The following DNAJC10 variants were observed in gnomAD, a reference collection of about 807,000 sequenced individuals.
DNAJC10 encodes the protein DnaJ heat shock protein family (Hsp40) member C10.
In DNAJC10, 101 loss-of-function variants were observed where a neutral mutation model predicts 115.0. That is an observed-to-expected ratio of 0.88 (90% CI 0.75 to 1.04). The LOEUF is 1.04. Among genes scored for constraint, DNAJC10 ranks in the 50% least tolerant of loss-of-function variants. The pLI is 0.00. For missense variants in DNAJC10, 981 were observed against 928.8 expected (o/e 1.06, Z -0.73); for synonymous variants, 307 against 301.5 (o/e 1.02, Z -0.19).
rs1202103094 is a variant in DNAJC10 at position 182,718,255 on chromosome 2, A to G, written c.169A>G (p.Lys57Glu). 1.9e-6 allele frequency: 3 copies of G among 1,611,560 alleles called. No individual in the cohort carries two copies. In the East Asian group the frequency reaches 6.7e-5, roughly 36 times the overall value. The change falls in exon 3 of 24, where the codon AAA (lysine) becomes GAA (glutamate). Residue 57 changes from lysine to glutamate, a missense_variant. Transcript: ENST00000264065. ...TAGAGAAATAAGACAAGCTTTCAAGAAATTGGCATTGAAGTTACATCCTGA... is the reference window on the plus strand; with the variant it reads ...TAGAGAAATAAGACAAGCTTTCAAGGAATTGGCATTGAAGTTACATCCTGA... ...SSREIRQAFKKLALKLHPDKN... is the reference protein window; with the variant it reads ...SSREIRQAFKELALKLHPDKN...
At chr2:182,752,344 G>T (rs1048732253) in intron 16 of DNAJC10, among the ~76,000 whole-genome samples, 156 bp downstream of exon 16, 6 of 152,052 alleles carry the variant, frequency 3.9e-5, no homozygotes, top group African/African-American at 1.4e-4. Flanking sequence ...TTAGAAAGTG[G>T]TATCAAATAT....
chr2:182,746,669 A>C (rs1693876279), intron 14 of DNAJC10, among the ~76,000 whole-genome samples: 1 of 152,116 alleles, frequency 6.6e-6, no homozygotes, highest in Non-Finnish European at 1.5e-5. Flanking sequence ...ATTTTCTGCC[A>C]TTCTTTAGGT....
At position 182,775,372 on chromosome 2, in the gene DNAJC10, A is replaced by T. The variant is rs1461168968; in HGVS notation, c.2322A>T (p.Leu774Phe). ...NTRDAKAIAALISEKLETLRN... is the reference protein window; with the variant it reads ...NTRDAKAIAAFISEKLETLRN... ...GAGATGCAAAAGCAATCGCTGCCTT[A>T]ATAAGTGAAAAATTGGAAACTCTCC... Residue 774 changes from leucine to phenylalanine, a missense_variant, in exon 23 of 24, where the codon TTA becomes TTT. Transcript: ENST00000264065. 7.4e-6 allele frequency: 12 copies of T among 1,613,198 alleles called. No individual in the cohort carries two copies. The highest frequency in any genetic ancestry group is 2.7e-5 in the African/African-American group (2 of 74,912).
At chr2:182,760,343 T>G (rs189992655) in intron 21 of DNAJC10, among the ~76,000 whole-genome samples, 2 of 152,212 alleles carry the variant, frequency 1.3e-5, no homozygotes, top group African/African-American at 4.8e-5. Context: ...CTTTATTTAT[T>G]ATTACTTGAA....
At chr2:182,746,024 G>C (rs1383627728) in intron 14 of DNAJC10, among the ~76,000 whole-genome samples, 3 of 152,098 alleles carry the variant, frequency 2.0e-5, no homozygotes, top group Non-Finnish European at 4.4e-5. Flanking sequence ...TACTGAGAAT[G>C]ATGATTTCCA....
rs4605328 is a variant in DNAJC10 at position 182,788,797 on chromosome 2, A to T, written c.*11665A>T. 3.8e-4 allele frequency: 172 copies of T among 456,014 alleles called. 2 individuals carry two copies. The highest frequency in any genetic ancestry group is 2.2e-3 in the South Asian group (143 of 64,084). The allele number at this position is 456,014 out of a possible 1,614,324, so 28.2% of individuals were successfully genotyped here. ...TTTTCTAAAATGGACTTCAAGCTCT[A>T]TGACTTTATGATCACTTAGTATGTC... On this transcript the variant is annotated 3_prime_UTR_variant, in exon 24 of 24. Coordinates refer to ENST00000264065, the MANE Select transcript of DNAJC10 (RefSeq NM_018981.4).
intron 22 of DNAJC10, among the ~76,000 whole-genome samples, chr2:182,767,678 G>A (rs577254354): frequency 8.7e-4 from 133 of 152,140 alleles, no homozygotes; most frequent in Non-Finnish European, 1.6e-3. Flanking sequence ...TGAGGGGGTG[G>A]GGGGCAGCTC....
chr2:182,771,965 A>G (rs1054164893), intron 22 of DNAJC10, among the ~76,000 whole-genome samples: 8 of 152,214 alleles, frequency 5.3e-5, no homozygotes, highest in African/African-American at 1.9e-4. Flanking sequence ...TTAGTGCTAT[A>G]AATTTCCCTC....
In DNAJC10 at chr2:182,778,803, A is replaced by C. The variant is rs1364829125; in HGVS notation, c.*1671A>C. On this transcript the variant is annotated 3_prime_UTR_variant, in exon 24 of 24. Transcript: ENST00000264065. Reference sequence around the variant, plus strand: ...AGAGCCTTTCATTCTCGAATGTTTAAAGCCTAGGAGTTCTACAAAATTGGC... The same window carrying C: ...AGAGCCTTTCATTCTCGAATGTTTACAGCCTAGGAGTTCTACAAAATTGGC... The C allele has an allele frequency of 1.3e-5, 2 of 152,202 alleles. No individual in the cohort carries two copies. The highest frequency in any genetic ancestry group is 2.9e-5 in the Non-Finnish European group (2 of 68,040). 9.4% of individuals were successfully genotyped at this position (152,202 alleles called of 1,614,324 possible). A position where few individuals can be genotyped will look rare whatever the true frequency, so the allele number is the denominator to read the frequency against.
rs1275294043 is a variant in DNAJC10, at chr2:182,757,777, C to T, written c.1895C>T (p.Pro632Leu). The T allele has an allele frequency of 6.3e-7, 1 of 1,580,110 alleles. No individual in the cohort carries two copies. The highest frequency in any genetic ancestry group is 8.7e-7 in the Non-Finnish European group (1 of 1,153,266). The change falls in exon 19 of 24, where the codon CCT becomes CTT. Residue 632 changes from proline to leucine, a missense_variant. Coordinates refer to ENST00000264065, the MANE Select transcript of DNAJC10 (RefSeq NM_018981.4). ...FCAQENVQRY[P>L]EIRFFPPKSN... ...GCCCAGGAAAACGTTCAAAGATACCCTGAGATAAGATTTTTTCCCCCAAAA... is the reference window on the plus strand; with the variant it reads ...GCCCAGGAAAACGTTCAAAGATACCTTGAGATAAGATTTTTTCCCCCAAAA...
At chr2:182,759,568 T>A (rs1694241219) in intron 21 of DNAJC10, among the ~76,000 whole-genome samples, 1 of 152,162 alleles carries the variant, frequency 6.6e-6, no homozygotes. Flanking sequence ...TTCTTCTCCC[T>A]CTTGTCTACT....
At chr2:182,766,737 C>T (rs1694422336) in intron 22 of DNAJC10, among the ~76,000 whole-genome samples, 1 of 152,026 alleles carries the variant, frequency 6.6e-6, no homozygotes, top group African/African-American at 2.4e-5. Context: ...CTGTAGGCAC[C>T]CCTCCAGCAG....
chr2:182,718,321 G>A, intron 3 of DNAJC10, 31 bp downstream of exon 3: 1 of 1,505,028 alleles, frequency 6.6e-7, no homozygotes, highest in Non-Finnish European at 9.0e-7. Context: ...AAAAATATTT[G>A]ATTATATTTT....
chr2:182,726,895 C>G (rs1398316616), intron 5 of DNAJC10, among the ~76,000 whole-genome samples: 1 of 141,712 alleles, frequency 7.1e-6, no homozygotes, highest in Non-Finnish European at 1.5e-5. Flanking sequence ...CCATGTCCAG[C>G]TATTTTTATA....
At chr2:182,760,591 T>C (rs1694263593) in intron 21 of DNAJC10, among the ~76,000 whole-genome samples, 1 of 152,198 alleles carries the variant, frequency 6.6e-6, no homozygotes, top group Non-Finnish European at 1.5e-5. Flanking sequence ...ATACCCTCAA[T>C]GCAGTCTGAG....
intron 11 of DNAJC10, 33 bp downstream of exon 11, chr2:182,736,419 A>G (rs1238873933): frequency 2.7e-6 from 4 of 1,454,986 alleles, no homozygotes; most frequent in South Asian, 1.4e-5. Flanking sequence ...TTATTTACAT[A>G]TAATGTGCAA....
chr2:182,728,804 G>T (rs934561156), intron 6 of DNAJC10, 59 bp from the exon 7 acceptor site: 3 of 1,578,854 alleles, frequency 1.9e-6, no homozygotes, highest in Non-Finnish European at 2.6e-6. Flanking sequence ...AGCTTGGAGT[G>T]TGTTCAAGGG....
rs1028128040 is a variant in DNAJC10 at position 182,781,689 on chromosome 2, T to C, written c.*4557T>C. ...TGTGACATGGTATCTCATTGTGTTT[T>C]TGATTTGCATTTCTCTAATGACCAC... On this transcript the variant is annotated 3_prime_UTR_variant, in exon 24 of 24. Transcript: ENST00000264065. 6.6e-6 allele frequency: 1 copy of C among 152,224 alleles called. No homozygotes were observed. Among genetic ancestry groups the C allele is most frequent in the Admixed American group, 6.5e-5 (1 of 15,280 alleles). The allele number at this position is 152,224 out of a possible 1,614,324, so 9.4% of individuals were successfully genotyped here. A position where few individuals can be genotyped will look rare whatever the true frequency, so the allele number is the denominator to read the frequency against.
At position 182,791,776 on chromosome 2, in the gene DNAJC10, T is replaced by A. The variant is rs1574970215; in HGVS notation, c.*14644T>A. On this transcript the variant is annotated 3_prime_UTR_variant, in exon 24 of 24. Transcript: ENST00000264065. Reference sequence around the variant, plus strand: ...AAAAACAGGAGTTTAGTCATTTCAGTCACATGTTTCTAATACATGATAAGA... The same window carrying A: ...AAAAACAGGAGTTTAGTCATTTCAGACACATGTTTCTAATACATGATAAGA... 1.3e-5 allele frequency: 2 copies of A among 152,308 alleles called. No homozygotes were observed. Among genetic ancestry groups the A allele is most frequent in the South Asian group, 4.1e-4 (2 of 4,830 alleles). The allele number at this position is 152,308 out of a possible 1,614,324, so 9.4% of individuals were successfully genotyped here. A position where few individuals can be genotyped will look rare whatever the true frequency, so the allele number is the denominator to read the frequency against.
Sources: allele counts gnomAD v4.1 joint callset (sites outside exome capture counted in the v4.1 genomes callset), GRCh38; gene constraint gnomAD v4.1.1; transcripts MANE v1.5; gene names NCBI Gene and HGNC (gene_info 2026-07-23, HGNC 2026-07-21).